The following VPS13D variants were observed in gnomAD, a reference collection of about 807,000 sequenced individuals.
VPS13D encodes intermembrane lipid transfer protein VPS13D.
A neutral mutation model predicts 461.9 loss-of-function variants in VPS13D; 187 were observed. The ratio of observed to expected loss-of-function variants is 0.40; its 90% CI spans 0.36 to 0.46. The LOEUF is 0.46. Ranked by LOEUF, VPS13D falls within the 20% of genes least tolerant of loss-of-function variation. VPS13D has a pLI of 0.60. For missense variants in VPS13D, 4,711 were observed against 5,364.9 expected (o/e 0.88, Z 3.81); for synonymous variants, 1,951 against 1,986.3 (o/e 0.98, Z 0.47).
At chr1:12,391,538 C>A (rs573804725) in intron 60 of VPS13D, among the ~76,000 whole-genome samples, 94 of 152,244 alleles carry the variant, frequency 6.2e-4, no homozygotes, top group African/African-American at 2.1e-3. Flanking sequence ...GTACGACCCA[C>A]TTTATGGCTA....
intron 1 of VPS13D, among the ~76,000 whole-genome samples, chr1:12,232,977 A>G (rs1640029719): frequency 6.8e-6 from 1 of 146,622 alleles, no homozygotes; most frequent in Non-Finnish European, 1.5e-5. Flanking sequence ...CCCCACCCCC[A>G]ACTTTATTCA....
chr1:12,290,895 G>C, intron 22 of VPS13D, 103 bp from the exon 23 acceptor site: 1 of 1,151,940 alleles, frequency 8.7e-7, no homozygotes, highest in Non-Finnish European at 1.2e-6. Flanking sequence ...ATTACAAAGT[G>C]AAAAGTCTGA....
At chr1:12,331,711 TAAAAAAA>T (rs757913489) in intron 37 of VPS13D, among the ~76,000 whole-genome samples, 7 of 106,224 alleles carry the variant, frequency 6.6e-5, no homozygotes, top group Non-Finnish European at 9.6e-5. Flanking sequence ...GACTCTGTCT[TAAAAAAA>T]AAAAAAAAAA....
intron 63 of VPS13D, among the ~76,000 whole-genome samples, chr1:12,412,471 C>T (rs1180859027): frequency 6.6e-6 from 1 of 152,138 alleles, no homozygotes; most frequent in African/African-American, 2.4e-5. Context: ...CAAAGTGAAA[C>T]AGAAGAGAGA....
intron 54 of VPS13D, among the ~76,000 whole-genome samples, chr1:12,372,166 G>A (rs1035117351): frequency 1.3e-5 from 2 of 152,132 alleles, no homozygotes; most frequent in Non-Finnish European, 2.9e-5. Context: ...CGGTCCTCCT[G>A]CTTCAGCCTC....
intron 17 of VPS13D, 82 bp from the exon 18 acceptor site, chr1:12,272,921 C>T: frequency 6.5e-7 from 1 of 1,542,976 alleles, no homozygotes; most frequent in South Asian, 1.3e-5. Flanking sequence ...ATCCTAGCTG[C>T]AGCTTCCAGA....
At chr1:12,394,223 A>G (rs1249751715) in intron 60 of VPS13D, among the ~76,000 whole-genome samples, 1 of 152,182 alleles carries the variant, frequency 6.6e-6, no homozygotes, top group Non-Finnish European at 1.5e-5. Flanking sequence ...CTGAGGGGCC[A>G]TGATTCTCTG....
At position 12,277,040 on chromosome 1, in the gene VPS13D, G is replaced by A. The variant is rs148070687; in HGVS notation, c.3452G>A (p.Arg1151Lys). The A allele has an allele frequency of 6.2e-7, 1 of 1,614,018 alleles. No individual in the cohort carries two copies. Among genetic ancestry groups the A allele is most frequent in the African/African-American group, 1.3e-5 (1 of 74,924 alleles). Residue 1151 changes from arginine to lysine, a missense_variant, in exon 19 of 70, where the codon AGA becomes AAA. By Grantham distance (26) the Arg-to-Lys change is conservative. Transcript: ENST00000620676. The stretch of plus-strand genomic sequence containing the variant: ...ATGACTGATTTTGAAAGAAGCTTCA[G>A]AGAACAAGGAACTTACCAGTCTACA... ...PLMTDFERSF[R>K]EQGTYQSTYE...
At chr1:12,244,503 T>G (rs546054108) in intron 4 of VPS13D, 34 bp from the exon 5 acceptor site, 1 of 1,613,656 alleles carries the variant, frequency 6.2e-7, no homozygotes, top group East Asian at 2.2e-5. Flanking sequence ...GCAAGAACAC[T>G]AGATTGAGCT....
At chr1:12,364,013 T>G (rs1212057284) in intron 52 of VPS13D, among the ~76,000 whole-genome samples, 1 of 151,366 alleles carries the variant, frequency 6.6e-6, no homozygotes, top group East Asian at 1.9e-4. Flanking sequence ...GATTTAAACT[T>G]TCTTCTTGCT....
At chr1:12,278,549 A>G (rs1376020782) in intron 19 of VPS13D, among the ~76,000 whole-genome samples, 2 of 152,226 alleles carry the variant, frequency 1.3e-5, no homozygotes, top group African/African-American at 4.8e-5. Flanking sequence ...TGTTGGGATT[A>G]CAAGTGTGAC....
At chr1:12,336,039 C>T (rs999706224) in intron 39 of VPS13D, 38 of 566,954 alleles carry the variant, frequency 6.7e-5, no homozygotes, top group East Asian at 4.1e-4. Flanking sequence ...TCCACCTTTG[C>T]GGGGGAGAAA....
intron 50 of VPS13D, among the ~76,000 whole-genome samples, chr1:12,360,370 A>C (rs945839140): frequency 2.0e-5 from 3 of 152,242 alleles, no homozygotes; most frequent in African/African-American, 7.2e-5. Context: ...AGCCAGGGAC[A>C]GGCTTGCCAG....
At chr1:12,508,835 C>A (rs1646147980) in intron 69 of VPS13D, 58 bp from the exon 70 acceptor site, 3 of 1,591,082 alleles carry the variant, frequency 1.9e-6, no homozygotes, top group Admixed American at 1.7e-5. Flanking sequence ...CTGGGTGGAT[C>A]TGATTCCTGG....
chr1:12,248,625 A>G lies in VPS13D; in HGVS notation c.448-598A>G, dbSNP rs114171472. On this transcript the variant is annotated intron_variant, in intron 5 of 69. Coordinates refer to ENST00000620676, the MANE Select transcript of VPS13D (RefSeq NM_015378.4). Reference sequence around the variant, plus strand: ...TTCCCAGAGTGCTGGGATTATAGGCATGAATCACTGTGCTCAACCTGTTAT... The same window carrying G: ...TTCCCAGAGTGCTGGGATTATAGGCGTGAATCACTGTGCTCAACCTGTTAT... 5.6e-3 allele frequency among the ~76,000 whole-genome samples: 852 copies of G among 152,364 alleles called. 6 individuals carry two copies. The highest frequency in any genetic ancestry group is 0.01 in the Middle Eastern group (3 of 294).
At chr1:12,242,423 C>CT in intron 2 of VPS13D, 90 bp from the exon 3 acceptor site, 3 of 1,202,138 alleles carry the variant, frequency 2.5e-6, no homozygotes, top group Non-Finnish European at 3.6e-6. Context: ...ATATGTAAAA[C>CT]TTTCCCTTTA....
chr1:12,508,580 C>T (rs1483277895), intron 69 of VPS13D, among the ~76,000 whole-genome samples: 2 of 149,034 alleles, frequency 1.3e-5, no homozygotes, highest in Non-Finnish European at 3.0e-5. Flanking sequence ...TAGCTGTGCA[C>T]ATGCCTGTAG....
chr1:12,289,387 G>A (rs1434688996), intron 22 of VPS13D, among the ~76,000 whole-genome samples: 3 of 152,148 alleles, frequency 2.0e-5, no homozygotes, highest in Non-Finnish European at 4.4e-5. Flanking sequence ...CCAGCCTTTA[G>A]TAGAGATTTA....
rs539672113 is a variant in VPS13D at position 12,231,921 on chromosome 1, G to A, written c.-77+1801G>A. Among the ~76,000 whole-genome samples the A allele has an allele frequency of 1.4e-4, 22 of 152,264 alleles. No homozygotes were observed. In the South Asian group the frequency reaches 2.5e-3, roughly 17 times the overall value. ...GAGAATCGCTTGAACCCAGGAGATG[G>A]CGGTTGCAGTGAGCCGAGATCCGAG... On this transcript the variant is annotated intron_variant, in intron 1 of 69. Coordinates refer to ENST00000620676, the MANE Select transcript of VPS13D (RefSeq NM_015378.4).
Sources: allele counts gnomAD v4.1 joint callset (sites outside exome capture counted in the v4.1 genomes callset), GRCh38; gene constraint gnomAD v4.1.1; transcripts MANE v1.5; gene names NCBI Gene and HGNC (gene_info 2026-07-23, HGNC 2026-07-21).